Variants in PCDHA9 observed in about 807,000 individuals in gnomAD.
PCDHA9 encodes the protein protocadherin alpha-9.
Under a neutral mutation model 62.0 loss-of-function variants are expected in PCDHA9, and 62 were observed. The observed-to-expected ratio is 1.00, with a 90% CI of 0.81 to 1.23. The LOEUF (loss-of-function observed/expected upper bound fraction) is 1.23. PCDHA9 is among the 50% of genes most tolerant of loss of function. PCDHA9 has a pLI of 0.00. For synonymous variants in PCDHA9, 557 were observed against 567.6 expected, an observed-to-expected ratio of 0.98 and a Z score of 0.27; for missense variants, 1,205 against 1,249.8, an observed-to-expected ratio of 0.96 and a Z score of 0.54.
At chr5:140,877,443 C>T (rs376417721) in intron 1 of PCDHA9, 1 of 1,613,844 alleles carries the variant, frequency 6.2e-7, no homozygotes, top group East Asian at 2.2e-5. Flanking sequence ...ACGGTGAGCC[C>T]GCGCTGACGT....
intron 1 of PCDHA9, among the ~76,000 whole-genome samples, chr5:140,954,247 A>T (rs782077145): frequency 2.6e-5 from 4 of 152,196 alleles, no homozygotes; most frequent in Non-Finnish European, 4.4e-5. Context: ...ATGAACATAC[A>T]CATGCAGGTA....
At chr5:140,923,045 T>C (rs1554201134) in intron 1 of PCDHA9, among the ~76,000 whole-genome samples, 1 of 152,226 alleles carries the variant, frequency 6.6e-6, no homozygotes, top group Non-Finnish European at 1.5e-5. Context: ...ATGTATAGTA[T>C]TTAGAATAAA....
intron 1 of PCDHA9, chr5:140,864,826 T>C (rs1297675845): frequency 6.6e-6 from 1 of 152,188 alleles, no homozygotes; most frequent in African/African-American, 2.4e-5. Flanking sequence ...ATTTGGGCTT[T>C]AAGTATAAGA....
Position 140,906,278 on chromosome 5 carries a change from C to T in PCDHA9, c.2394+55389C>T, listed in dbSNP as rs546102354. On this transcript the variant is annotated intron_variant, in intron 1 of 3. Coordinates refer to ENST00000532602, the MANE Select transcript of PCDHA9 (RefSeq NM_031857.2). ...ACCTCCTGAAATTATAGATAATCTT[C>T]AAATTAAGACAATAATAAGGTCATA... Among the ~76,000 whole-genome samples the T allele has an allele frequency of 4.6e-5, 7 of 152,270 alleles. No homozygotes were observed. In the South Asian group the frequency reaches 6.2e-4, roughly 14 times the overall value.
intron 1 of PCDHA9, chr5:140,882,538 C>A: frequency 6.2e-7 from 1 of 1,614,170 alleles, no homozygotes; most frequent in Non-Finnish European, 8.5e-7. Context: ...ATTCTCGGAT[C>A]GACCGCGAGG....
At chr5:140,937,399 T>C (rs2091517737) in intron 1 of PCDHA9, among the ~76,000 whole-genome samples, 1 of 152,226 alleles carries the variant, frequency 6.6e-6, no homozygotes, top group African/African-American at 2.4e-5. Context: ...TATAGGGGTA[T>C]TGCACAACTT....
intron 1 of PCDHA9, chr5:140,883,974 G>C: frequency 6.2e-7 from 1 of 1,612,962 alleles, no homozygotes; most frequent in Non-Finnish European, 8.5e-7. Context: ...CTGACGCCCG[G>C]GGCTGGCAGC....
chr5:140,905,593 G>C (rs781937038), intron 1 of PCDHA9, among the ~76,000 whole-genome samples: 1 of 152,072 alleles, frequency 6.6e-6, no homozygotes, highest in Non-Finnish European at 1.5e-5. Context: ...TATTTTGCTG[G>C]GAATTGCATT....
intron 3 of PCDHA9, among the ~76,000 whole-genome samples, chr5:141,001,365 T>C (rs577695639): frequency 6.6e-6 from 1 of 152,354 alleles, no homozygotes; most frequent in African/African-American, 2.4e-5. Context: ...AGCCTACTAT[T>C]CTGATTACAG....
chr5:140,865,961 T>C (rs1314413159), intron 1 of PCDHA9: 9 of 152,210 alleles, frequency 5.9e-5, no homozygotes, highest in Admixed American at 5.9e-4. Context: ...ATTAATTTTG[T>C]ACAATGTGTG....
intron 1 of PCDHA9, chr5:140,927,919 C>G (rs782561454): frequency 6.2e-7 from 1 of 1,614,216 alleles, no homozygotes; most frequent in Non-Finnish European, 8.5e-7. Context: ...ACTGGACTTC[C>G]TGACTCTTTC....
rs782597550 is a variant in PCDHA9 at position 140,934,018 on chromosome 5, TG to T, written c.2395-44929del. ...ACCTCTCATTTTTCTTGACTAGACTTGGAAGTAGTTTATTAATGATATTAGT... is the reference window on the plus strand; with the variant it reads ...ACCTCTCATTTTTCTTGACTAGACTTGAAGTAGTTTATTAATGATATTAGT... On this transcript the variant is annotated intron_variant, in intron 1 of 3. Coordinates refer to ENST00000532602, the MANE Select transcript of PCDHA9 (RefSeq NM_031857.2). Among the ~76,000 whole-genome samples the T allele has an allele frequency of 2.6e-4, 40 of 152,182 alleles. 1 individual carries two copies. The highest frequency in any genetic ancestry group is 3.4e-3 in the Middle Eastern group (1 of 294).
intron 1 of PCDHA9, among the ~76,000 whole-genome samples, chr5:140,945,682 G>GT (rs1325077083): frequency 6.6e-6 from 1 of 152,010 alleles, no homozygotes; most frequent in African/African-American, 2.4e-5. Context: ...AATCCACACA[G>GT]TTACTGTCCA....
intron 1 of PCDHA9, among the ~76,000 whole-genome samples, chr5:140,880,485 G>T (rs957327401): frequency 6.6e-6 from 1 of 152,190 alleles, no homozygotes; most frequent in Non-Finnish European, 1.5e-5. Flanking sequence ...GACACAAGAA[G>T]AGAGCAATTG....
intron 3 of PCDHA9, among the ~76,000 whole-genome samples, chr5:140,999,527 C>G (rs578180518): frequency 6.6e-6 from 1 of 152,088 alleles, no homozygotes; most frequent in Non-Finnish European, 1.5e-5. Context: ...TTGTTACCCC[C>G]TGGATATGAC....
chr5:140,888,764 T>A (rs74654123), intron 1 of PCDHA9, among the ~76,000 whole-genome samples: 4 of 152,186 alleles, frequency 2.6e-5, no homozygotes, highest in East Asian at 3.9e-4. Context: ...CTTTTTTTTT[T>A]AATTTTGAAG....
At chr5:140,876,455 C>T (rs1554168573) in intron 1 of PCDHA9, 1 of 1,613,874 alleles carries the variant, frequency 6.2e-7, no homozygotes, top group African/African-American at 1.3e-5. Flanking sequence ...AAAGGGATTC[C>T]TTCCATGGCA....
Position 140,850,710 on chromosome 5 carries a change from C to G in PCDHA9, c.2215C>G (p.Leu739Val), listed in dbSNP as rs2150495455. ...EGECAPGKPTLVCSSAVGSWS... is the reference protein window; with the variant it reads ...EGECAPGKPTVVCSSAVGSWS... ...CGAGTGCGCGCCTGGCAAGCCGACG[C>G]TGGTGTGTTCTAGCGCGGTGGGGAG... The change falls in exon 1 of 4, where the codon CTG (leucine) becomes GTG (valine). Residue 739 changes from leucine to valine, a missense_variant. Physicochemically the swap from Leu to Val is conservative, Grantham distance 32 (BLOSUM62 1). Around this residue, in one of 3 missense-constraint regions of PCDHA9, gnomAD observed 887 missense variants for 809.5 expected, o/e 1.10. Coordinates refer to ENST00000532602, the MANE Select transcript of PCDHA9 (RefSeq NM_031857.2). 14 of 1,598,036 alleles carry G rather than the reference C, an allele frequency of 8.8e-6. 1 individual carries two copies. Among genetic ancestry groups the G allele is most frequent in the Non-Finnish European group, 1.2e-5 (14 of 1,167,676 alleles).
chr5:140,849,341 C>T lies in PCDHA9; in HGVS notation c.846C>T (p.Ser282=), dbSNP rs2150435526. ...GLNGDIIYSF[S]SDVSPDIKSK... ...ATGGGGATATTATTTACTCCTTCTC[C>T]AGTGATGTTTCTCCAGATATAAAAT... The change falls in exon 1 of 4, where the codon TCC becomes TCT. Residue 282 remains serine, a synonymous_variant. Coordinates refer to ENST00000532602, the MANE Select transcript of PCDHA9 (RefSeq NM_031857.2). 27 of 1,407,914 alleles carry T rather than the reference C, an allele frequency of 1.9e-5. No individual in the cohort carries two copies. Among genetic ancestry groups the T allele is most frequent in the Middle Eastern group, 2.4e-4 (1 of 4,110 alleles). 87.2% of individuals were successfully genotyped at this position (1,407,914 alleles called of 1,614,324 possible).
Sources: allele counts gnomAD v4.1 joint callset (sites outside exome capture counted in the v4.1 genomes callset), GRCh38; gene constraint gnomAD v4.1.1; regional missense constraint gnomAD v4.1.1; transcripts MANE v1.5; gene names NCBI Gene and HGNC (gene_info 2026-07-23, HGNC 2026-07-21).